FHIT: variants seen among roughly 807,000 people sequenced by gnomAD.
The protein encoded by FHIT is bis(5'-adenosyl)-triphosphatase.
A neutral mutation model predicts 17.9 loss-of-function variants in FHIT; 19 were observed. The observed-to-expected ratio is 1.06, with a 90% CI of 0.74 to 1.56. FHIT has a LOEUF of 1.56. Among genes scored for constraint, FHIT ranks in the 40% most tolerant of loss-of-function variants. The pLI is 0.00. For missense variants in FHIT, 248 were observed against 189.2 expected (o/e 1.31, Z -1.82); for synonymous variants, 81 against 69.7 (o/e 1.16, Z -0.81).
chr3:60,397,515 G>C (rs1451375652), intron 5 of FHIT, among the ~76,000 whole-genome samples: 1 of 152,154 alleles, frequency 6.6e-6, no homozygotes, highest in Non-Finnish European at 1.5e-5. Context: ...ACTGACTATA[G>C]GAAGTTTGGA....
At chr3:60,018,031 T>C (rs1295263746) in intron 5 of FHIT, among the ~76,000 whole-genome samples, 1 of 152,162 alleles carries the variant, frequency 6.6e-6, no homozygotes. Flanking sequence ...TGAAGCTGGG[T>C]CGTTTACAAA....
At chr3:60,781,656 G>T (rs1700393431) in intron 4 of FHIT, among the ~76,000 whole-genome samples, 1 of 152,000 alleles carries the variant, frequency 6.6e-6, no homozygotes, top group Non-Finnish European at 1.5e-5. Flanking sequence ...TCTCTACTTT[G>T]CTAAGTCTAT....
At chr3:60,100,383 C>T (rs1296912314) in intron 5 of FHIT, among the ~76,000 whole-genome samples, 2 of 147,376 alleles carry the variant, frequency 1.4e-5, no homozygotes, top group African/African-American at 5.0e-5. Context: ...GACTCTGCCT[C>T]AAAAAAAAAA....
rs562051607 is a variant in FHIT at position 60,755,816 on chromosome 3, C to T, written c.-18+66103G>A. Among the ~76,000 whole-genome samples, 9 of 152,274 alleles carry T rather than the reference C, an allele frequency of 5.9e-5. No individual in the cohort carries two copies. In the South Asian group the frequency reaches 1.9e-3, roughly 32 times the overall value. ...ACTCTGAAGTCCCAGCAAGGAGGGA[C>T]TGTATCTTTGTTTTATTCAGTACCT... On this transcript the variant is annotated intron_variant, in intron 4 of 9. Coordinates refer to ENST00000492590, the MANE Select transcript of FHIT (RefSeq NM_002012.4).
At chr3:60,971,067 C>G (rs1005490802) in intron 3 of FHIT, among the ~76,000 whole-genome samples, 1 of 151,988 alleles carries the variant, frequency 6.6e-6, no homozygotes, top group Admixed American at 6.6e-5. Context: ...ATCACACATA[C>G]GAAAAAATAA....
chr3:60,261,525 C>T (rs1017266398), intron 5 of FHIT, among the ~76,000 whole-genome samples: 4 of 151,938 alleles, frequency 2.6e-5, no homozygotes, highest in African/African-American at 7.3e-5. Context: ...TGTTGATTTT[C>T]ACAAGTCAAG....
At chr3:59,878,900 C>T (rs1389601143) in intron 8 of FHIT, among the ~76,000 whole-genome samples, 1 of 152,094 alleles carries the variant, frequency 6.6e-6, no homozygotes, top group Non-Finnish European at 1.5e-5. Flanking sequence ...ATTTTTTTTA[C>T]TCCCCTTGTT....
chr3:60,773,236 G>A (rs1283052446), intron 4 of FHIT, among the ~76,000 whole-genome samples: 2 of 152,164 alleles, frequency 1.3e-5, no homozygotes, highest in African/African-American at 4.8e-5. Flanking sequence ...CACAATCATG[G>A]TCAAAATCAA....
chr3:61,234,778 C>A (rs190259146), intron 1 of FHIT, among the ~76,000 whole-genome samples: 1 of 152,306 alleles, frequency 6.6e-6, no homozygotes, highest in East Asian at 1.9e-4. Context: ...TTCATCCACA[C>A]CAACTTTGTC....
chr3:60,778,944 C>T (rs1354451964), intron 4 of FHIT, among the ~76,000 whole-genome samples: 2 of 152,126 alleles, frequency 1.3e-5, no homozygotes, highest in African/African-American at 4.8e-5. Context: ...CTAGCAGGTC[C>T]AAGAGCTCCA....
intron 5 of FHIT, among the ~76,000 whole-genome samples, chr3:60,083,788 C>T (rs1236488621): frequency 6.6e-6 from 1 of 152,182 alleles, no homozygotes; most frequent in Non-Finnish European, 1.5e-5. Flanking sequence ...GGCTGTGTTC[C>T]AGTGAAACTT....
chr3:60,827,367 C>T (rs1553741340), intron 3 of FHIT, among the ~76,000 whole-genome samples: 1 of 152,214 alleles, frequency 6.6e-6, no homozygotes, highest in Admixed American at 6.5e-5. Context: ...ATTGCTTGGC[C>T]TCCATCACAG....
At chr3:60,213,333 C>A (rs1336286428) in intron 5 of FHIT, among the ~76,000 whole-genome samples, 1 of 152,162 alleles carries the variant, frequency 6.6e-6, no homozygotes, top group Non-Finnish European at 1.5e-5. Context: ...AAATCCCAAA[C>A]CCACAGCTTT....
intron 4 of FHIT, among the ~76,000 whole-genome samples, chr3:60,605,407 C>T (rs1432143166): frequency 6.6e-6 from 1 of 152,166 alleles, no homozygotes; most frequent in Non-Finnish European, 1.5e-5. Flanking sequence ...TTCCACCTGA[C>T]AGATACCAAG....
chr3:60,826,201 GGAAGGAAGGAAA>G (rs1406549758), intron 3 of FHIT, among the ~76,000 whole-genome samples: 3 of 113,694 alleles, frequency 2.6e-5, no homozygotes, highest in African/African-American at 6.9e-5. Flanking sequence ...AAGGAAGGAA[GGAAGGAAGGAAA>G]GAAGGAAGGA....
chr3:60,785,291 C>T (rs1483933014), intron 4 of FHIT, among the ~76,000 whole-genome samples: 1 of 152,152 alleles, frequency 6.6e-6, no homozygotes, highest in Non-Finnish European at 1.5e-5. Context: ...CTGAGACTAG[C>T]CCTTGGCTGT....
intron 5 of FHIT, among the ~76,000 whole-genome samples, chr3:60,073,524 A>C (rs2106990850): frequency 6.6e-6 from 1 of 151,866 alleles, no homozygotes; most frequent in Middle Eastern, 3.4e-3. Flanking sequence ...TCATTTCAAA[A>C]CCCTATTTCT....
rs1367441274 is a variant in FHIT, at chr3:60,537,488, T to C, written c.-17-509A>G. The stretch of plus-strand genomic sequence containing the variant: ...CCTACAATTACAAAAACATGAGCAC[T>C]TCCAGAGAACTATTCTAGTAAAATC... On this transcript the variant is annotated intron_variant, in intron 4 of 9. Transcript: ENST00000492590. 4.1e-6 allele frequency: 4 copies of C among 981,778 alleles called. No individual in the cohort carries two copies. The African/African-American group carries it at 7.0e-5, about 17-fold the overall frequency. 60.8% of individuals were successfully genotyped at this position (981,778 alleles called of 1,614,324 possible).
chr3:60,319,745 G>A (rs1439532002), intron 5 of FHIT, among the ~76,000 whole-genome samples: 1 of 152,014 alleles, frequency 6.6e-6, no homozygotes, highest in Non-Finnish European at 1.5e-5. Flanking sequence ...CACTGAGGGG[G>A]GCTGTTTCTC....
Sources: allele counts gnomAD v4.1 joint callset (sites outside exome capture counted in the v4.1 genomes callset), GRCh38; gene constraint gnomAD v4.1.1; transcripts MANE v1.5; gene names NCBI Gene and HGNC (gene_info 2026-07-23, HGNC 2026-07-21).